Variants in BMX observed in about 807,000 individuals in gnomAD.
BMX encodes the protein cytoplasmic tyrosine-protein kinase BMX.
A neutral mutation model predicts 59.2 loss-of-function variants in BMX; 31 were observed. That is an observed-to-expected ratio of 0.52 (90% CI 0.39 to 0.71). BMX has a LOEUF of 0.71. Ranked by LOEUF, BMX falls within the 30% of genes least tolerant of loss-of-function variation. BMX has a pLI of 0.00. For synonymous variants in BMX, 185 were observed against 181.0 expected (o/e 1.02, Z -0.18); for missense variants, 474 against 491.7 (o/e 0.96, Z 0.34).
chrX:15,544,306 T>G (rs1390877379), intron 16 of BMX, among the ~76,000 whole-genome samples: 1 of 110,385 alleles, frequency 9.1e-6, no homozygotes, highest in Non-Finnish European at 1.9e-5. Flanking sequence ...GCCCTAAATA[T>G]TGGCAAGATG....
At chrX:15,504,796 C>T (rs181233062) in intron 1 of BMX, among the ~76,000 whole-genome samples, 270 of 111,850 alleles carry the variant, frequency 2.4e-3, no homozygotes, top group African/African-American at 8.2e-3. Flanking sequence ...TTTCTAGTTT[C>T]ATCTGTTTAT....
intron 1 of BMX, among the ~76,000 whole-genome samples, chrX:15,504,493 T>C (rs7884235): frequency 0.072 from 7,966 of 111,351 alleles, 688 homozygotes; most frequent in African/African-American, 0.24. Flanking sequence ...ACTTGTTCAT[T>C]GTCACTCAGG....
intron 6 of BMX, among the ~76,000 whole-genome samples, chrX:15,520,625 A>AAATCAGTG (rs1924399648): frequency 8.9e-6 from 1 of 112,115 alleles, no homozygotes; most frequent in South Asian, 3.7e-4. Context: ...GAAAATTATC[A>AAATCAGTG]GCTAGGCAAA....
At chrX:15,540,340 C>T (rs1466342014) in intron 14 of BMX, among the ~76,000 whole-genome samples, 5 of 109,147 alleles carry the variant, frequency 4.6e-5, no homozygotes, top group East Asian at 2.9e-4. Context: ...AACAGAAAAC[C>T]GAACACCGCA....
intron 9 of BMX, among the ~76,000 whole-genome samples, chrX:15,527,376 T>G (rs1466087093): frequency 9.4e-6 from 1 of 106,620 alleles, no homozygotes; most frequent in Non-Finnish European, 1.9e-5. Flanking sequence ...TAAACTGGAC[T>G]TCTGGGCAAA....
At chrX:15,528,657 AAAAAC>A (rs1242892579) in intron 9 of BMX, among the ~76,000 whole-genome samples, 1 of 108,983 alleles carries the variant, frequency 9.2e-6, no homozygotes, top group African/African-American at 3.5e-5. Context: ...GACCCTGTCA[AAAAAC>A]AAAACAAACA....
intron 2 of BMX, among the ~76,000 whole-genome samples, chrX:15,508,701 C>T (rs1017175591): frequency 3.6e-5 from 4 of 112,083 alleles, no homozygotes; most frequent in African/African-American, 9.7e-5. Flanking sequence ...TTTACTAAGG[C>T]AAATTATAAC....
At chrX:15,501,747 T>C (rs1282860231) in intron 1 of BMX, among the ~76,000 whole-genome samples, 1 of 111,765 alleles carries the variant, frequency 8.9e-6, no homozygotes, top group Non-Finnish European at 1.9e-5. Flanking sequence ...TATTTATTTG[T>C]AGGAAATATG....
At chrX:15,507,360 G>C in intron 1 of BMX, 1 of 755,232 alleles carries the variant, frequency 1.3e-6, no homozygotes, top group African/African-American at 2.3e-5. Context: ...TAGAGCTTGA[G>C]AGTCAAAGTT....
chrX:15,553,896 G>A (rs1303738066), intron 18 of BMX, among the ~76,000 whole-genome samples: 5 of 112,154 alleles, frequency 4.5e-5, no homozygotes, highest in African/African-American at 1.6e-4. Flanking sequence ...CTCATGGTTG[G>A]TTCATAAAAG....
At chrX:15,548,285 C>T (rs368193900) in intron 17 of BMX, among the ~76,000 whole-genome samples, 2 of 110,038 alleles carry the variant, frequency 1.8e-5, no homozygotes, top group African/African-American at 6.6e-5. Context: ...GGCAAAAACT[C>T]GTCTCTACTA....
chrX:15,508,243 A>T (rs911529698), intron 1 of BMX, 102 bp from the exon 2 acceptor site: 11 of 503,209 alleles, frequency 2.2e-5, no homozygotes, highest in Non-Finnish European at 3.0e-5. Context: ...ATCAGCATTT[A>T]TATTATCCCT....
At chrX:15,544,987 C>T (rs1387797602) in intron 16 of BMX, among the ~76,000 whole-genome samples, 1 of 111,594 alleles carries the variant, frequency 9.0e-6, no homozygotes, top group Non-Finnish European at 1.9e-5. Context: ...GTTCTATTTT[C>T]TCTAATTAAG....
intron 4 of BMX, among the ~76,000 whole-genome samples, chrX:15,513,185 G>C (rs1377586685): frequency 8.9e-6 from 1 of 112,123 alleles, no homozygotes. Context: ...GCAAAGATAG[G>C]CAGTCAGTCA....
chrX:15,527,283 T>TACACACAC (rs1215070031), intron 9 of BMX, among the ~76,000 whole-genome samples: 5 of 65,870 alleles, frequency 7.6e-5, no homozygotes, highest in African/African-American at 2.7e-4. Context: ...TATATATATA[T>TACACACAC]ACACACACAC....
At position 15,537,224 on chromosome X, in the gene BMX, G is replaced by T; in HGVS notation, c.1313G>T (p.Gly438Val). The change falls in exon 14 of 19, where the codon GGG becomes GTG. Residue 438 changes from glycine to valine, a missense_variant. Transcript: ENST00000348343. ...FGVVQLGKWK[G>V]QYDVAVKMIK... is the part of the protein sequence containing the mutation. ...GTGGTCCAGCTGGGCAAGTGGAAGGGGCAGTATGATGTTGCTGTTAAGATG... is the reference window on the plus strand; with the variant it reads ...GTGGTCCAGCTGGGCAAGTGGAAGGTGCAGTATGATGTTGCTGTTAAGATG... 1 of 1,210,529 alleles carries T rather than the reference G, an allele frequency of 8.3e-7. No homozygotes were observed. The highest frequency in any genetic ancestry group is 1.8e-5 in the South Asian group (1 of 56,855).
At chrX:15,534,381 AAC>A (rs1925234218) in intron 12 of BMX, 42 bp downstream of exon 12, 1 of 1,105,194 alleles carries the variant, frequency 9.0e-7, no homozygotes, top group Non-Finnish European at 1.2e-6. Flanking sequence ...CTTGTTGTAA[AAC>A]AGCAATTTTC....
At chrX:15,551,722 T>C (rs1375112340) in intron 18 of BMX, among the ~76,000 whole-genome samples, 1 of 110,793 alleles carries the variant, frequency 9.0e-6, no homozygotes, top group East Asian at 2.8e-4. Flanking sequence ...AATTATCACC[T>C]GGAATATGAG....
chrX:15,541,952 CA>C (rs1289106164), intron 14 of BMX, 29 bp from the exon 15 acceptor site: 3 of 1,149,196 alleles, frequency 2.6e-6, no homozygotes, highest in Non-Finnish European at 3.6e-6. Context: ...GAGTGTGGAG[CA>C]TTGAACTTTG....
Sources: allele counts gnomAD v4.1 joint callset (sites outside exome capture counted in the v4.1 genomes callset), GRCh38; gene constraint gnomAD v4.1.1; transcripts MANE v1.5; gene names NCBI Gene and HGNC (gene_info 2026-07-23, HGNC 2026-07-21).